The following PLPP3 variants were observed in gnomAD, a reference collection of about 807,000 sequenced individuals.
PLPP3 encodes PAP2 beta.
PLPP3 carries 6 observed loss-of-function variants against 29.6 expected under a neutral mutation model. That is an observed-to-expected ratio of 0.20 (90% CI 0.11 to 0.40). The LOEUF (loss-of-function observed/expected upper bound fraction) is 0.40. Among genes scored for constraint, PLPP3 ranks in the 10% least tolerant of loss-of-function variants. PLPP3 has a pLI of 1.00. For missense variants in PLPP3, 308 were observed against 407.7 expected, an observed-to-expected ratio of 0.76 and a Z score of 2.11; for synonymous variants, 152 against 159.7, an observed-to-expected ratio of 0.95 and a Z score of 0.36.
At chr1:56,551,735 C>A (rs985380632) in intron 1 of PLPP3, among the ~76,000 whole-genome samples, 1 of 152,212 alleles carries the variant, frequency 6.6e-6, no homozygotes, top group African/African-American at 2.4e-5. Flanking sequence ...CTTCGCAAAT[C>A]CCATCCAAAG....
intron 1 of PLPP3, among the ~76,000 whole-genome samples, chr1:56,543,943 T>C (rs1645988006): frequency 6.6e-6 from 1 of 152,136 alleles, no homozygotes; most frequent in Non-Finnish European, 1.5e-5. Context: ...ATCAAGGTCT[T>C]TAGTCCAACT....
rs1207144361 is a variant in PLPP3 at position 56,496,467 on chromosome 1, T to G, written c.*84A>C. 6.7e-7 allele frequency: 1 copy of G among 1,487,026 alleles called. No individual in the cohort carries two copies. Among genetic ancestry groups the G allele is most frequent in the African/African-American group, 1.4e-5 (1 of 70,832 alleles). 92.1% of individuals were successfully genotyped at this position (1,487,026 alleles called of 1,614,324 possible). A position where few individuals can be genotyped will look rare whatever the true frequency, so the allele number is the denominator to read the frequency against. On this transcript the variant is annotated 3_prime_UTR_variant, in exon 6 of 6. Transcript: ENST00000371250. Reference sequence around the variant, plus strand: ...GTCGGGCAAAAGTTTTTCCCTACATTCTACTGTCTGATGAGATTGGAGAGC... The same window carrying G: ...GTCGGGCAAAAGTTTTTCCCTACATGCTACTGTCTGATGAGATTGGAGAGC...
intron 1 of PLPP3, among the ~76,000 whole-genome samples, chr1:56,540,413 G>A (rs1645960361): frequency 1.3e-5 from 2 of 152,072 alleles, no homozygotes. Context: ...GGGACACACT[G>A]TGGACACTCA....
At chr1:56,537,824 C>G (rs1324495253) in intron 1 of PLPP3, among the ~76,000 whole-genome samples, 1 of 152,162 alleles carries the variant, frequency 6.6e-6, no homozygotes, top group East Asian at 1.9e-4. Context: ...GCCTGCAGAC[C>G]TGGATAGAGG....
intron 1 of PLPP3, among the ~76,000 whole-genome samples, chr1:56,543,416 A>C (rs989857733): frequency 2.0e-5 from 3 of 152,076 alleles, no homozygotes; most frequent in Non-Finnish European, 4.4e-5. Flanking sequence ...ATATTTTCTT[A>C]CTCTATGACC....
In PLPP3 at chr1:56,496,193, T is replaced by C. The variant is rs1645630041; in HGVS notation, c.*358A>G. On this transcript the variant is annotated 3_prime_UTR_variant, in exon 6 of 6. Coordinates refer to ENST00000371250, the MANE Select transcript of PLPP3 (RefSeq NM_003713.5). ...ATTTCTGGCATCATGTGCTGCAATG[T>C]GAATTTTTGCTTTTCTCACAGGCCT... is the stretch of plus-strand genomic sequence containing the variant. The C allele has an allele frequency of 5.1e-6, 1 of 195,462 alleles. No homozygotes were observed. Among genetic ancestry groups the C allele is most frequent in the East Asian group, 1.4e-4 (1 of 7,034 alleles). The allele number at this position is 195,462 out of a possible 1,614,324, so 12.1% of individuals were successfully genotyped here.
chr1:56,521,001 A>AGGT (rs1645815740), intron 4 of PLPP3, among the ~76,000 whole-genome samples: 1 of 151,252 alleles, frequency 6.6e-6, no homozygotes. Flanking sequence ...TGGGAGGCCA[A>AGGT]GGTGGTTGGA....
rs141847411 is a variant in PLPP3, at chr1:56,542,236, G to A, written c.140-5124C>T. The stretch of plus-strand genomic sequence containing the variant: ...AACACTGGGGCAGGTTGGGTGGTTT[G>A]GGGGTGGAGTGTAAAAAAACACAGA... On this transcript the variant is annotated intron_variant, in intron 1 of 5. Transcript: ENST00000371250. Among the ~76,000 whole-genome samples the A allele has an allele frequency of 3.2e-4, 49 of 152,222 alleles. No homozygotes were observed. In the East Asian group the frequency reaches 8.9e-3, roughly 28 times the overall value.
chr1:56,569,122 G>T (rs889171650), intron 1 of PLPP3, among the ~76,000 whole-genome samples: 1 of 151,952 alleles, frequency 6.6e-6, no homozygotes, highest in African/African-American at 2.4e-5. Flanking sequence ...CATTCCAAAG[G>T]TCTTTTATAA....
chr1:56,523,705 C>A (rs1237275286), intron 4 of PLPP3, 118 bp downstream of exon 4: 1 of 1,142,028 alleles, frequency 8.8e-7, no homozygotes, highest in African/African-American at 1.6e-5. Context: ...TTCTAGCTAA[C>A]CTCTTTTTCA....
At chr1:56,534,612 C>T (rs935994295) in intron 2 of PLPP3, among the ~76,000 whole-genome samples, 4 of 152,122 alleles carry the variant, frequency 2.6e-5, no homozygotes, top group African/African-American at 7.2e-5. Context: ...TAATCAGAAC[C>T]GGGTTCTGGA....
chr1:56,501,420 T>C (rs377635621), intron 5 of PLPP3, among the ~76,000 whole-genome samples: 4 of 152,160 alleles, frequency 2.6e-5, no homozygotes, highest in East Asian at 1.9e-4. Context: ...TAGTACTGTA[T>C]AGTGTTGTAC....
At chr1:56,575,487 G>A (rs532620696) in intron 1 of PLPP3, among the ~76,000 whole-genome samples, 1 of 152,180 alleles carries the variant, frequency 6.6e-6, no homozygotes, top group Non-Finnish European at 1.5e-5. Flanking sequence ...CCCAAATTCC[G>A]TATTACTGAC....
chr1:56,547,950 G>A (rs1646016410), intron 1 of PLPP3, among the ~76,000 whole-genome samples: 1 of 152,208 alleles, frequency 6.6e-6, no homozygotes, highest in Admixed American at 6.5e-5. Context: ...AAAGCTGTGA[G>A]GATGAAATAT....
chr1:56,556,217 A>T (rs1569593032), intron 1 of PLPP3, among the ~76,000 whole-genome samples: 1 of 152,330 alleles, frequency 6.6e-6, no homozygotes, highest in South Asian at 2.1e-4. Context: ...TAGGGTCTTC[A>T]TAGAGGTTAA....
At position 56,536,954 on chromosome 1, in the gene PLPP3, C is replaced by G; in HGVS notation, c.297+1G>C. The G allele has an allele frequency of 6.2e-7, 1 of 1,613,470 alleles. No individual in the cohort carries two copies. Among genetic ancestry groups the G allele is most frequent in the Non-Finnish European group, 8.5e-7 (1 of 1,179,636 alleles). On this transcript the variant is annotated splice_donor_variant, in intron 2 of 5. Coordinates refer to ENST00000371250, the MANE Select transcript of PLPP3 (RefSeq NM_003713.5). LOFTEE classifies it high-confidence loss of function. ...CACCATAGCAGAGTCTGGACACTTACCGCGAGGATGGCAATGACGATCCCC... is the reference window on the plus strand; with the variant it reads ...CACCATAGCAGAGTCTGGACACTTAGCGCGAGGATGGCAATGACGATCCCC...
chr1:56,560,680 G>C (rs1646117456), intron 1 of PLPP3, among the ~76,000 whole-genome samples: 1 of 152,034 alleles, frequency 6.6e-6, no homozygotes. Context: ...CCATCACCTT[G>C]GTGATTAGGT....
chr1:56,522,965 G>A (rs1174964839), intron 4 of PLPP3, among the ~76,000 whole-genome samples: 1 of 152,136 alleles, frequency 6.6e-6, no homozygotes, highest in Admixed American at 6.5e-5. Context: ...CTGGAGGCAA[G>A]CAGGGCACTT....
At chr1:56,548,953 T>C (rs987625986) in intron 1 of PLPP3, among the ~76,000 whole-genome samples, 4 of 151,632 alleles carry the variant, frequency 2.6e-5, no homozygotes, top group African/African-American at 9.7e-5. Context: ...TTAACAAAAC[T>C]GCTGCTTTGT....
Sources: allele counts gnomAD v4.1 joint callset (sites outside exome capture counted in the v4.1 genomes callset), GRCh38; gene constraint gnomAD v4.1.1; transcripts MANE v1.5; gene names NCBI Gene and HGNC (gene_info 2026-07-23, HGNC 2026-07-21).